The following GPC5 variants were observed in gnomAD, a reference collection of about 807,000 sequenced individuals.
GPC5 encodes glypican 5.
GPC5 carries 47 observed loss-of-function variants against 53.9 expected under a neutral mutation model. The ratio of observed to expected loss-of-function variants is 0.87; its 90% CI spans 0.69 to 1.11. GPC5 has a LOEUF of 1.11. GPC5 is among the 50% of genes most tolerant of loss of function. The pLI is 0.00. For synonymous variants in GPC5, 286 were observed against 263.3 expected (o/e 1.09, Z -0.84); for missense variants, 748 against 713.1 (o/e 1.05, Z -0.56).
chr13:92,583,211 G>A (rs1594322026), intron 7 of GPC5, among the ~76,000 whole-genome samples: 1 of 152,016 alleles, frequency 6.6e-6, no homozygotes, highest in South Asian at 2.1e-4. Flanking sequence ...GTTAAATTTT[G>A]TCAAACACAT....
chr13:91,891,099 T>C (rs1210261822), intron 5 of GPC5, among the ~76,000 whole-genome samples: 1 of 152,174 alleles, frequency 6.6e-6, no homozygotes, highest in East Asian at 1.9e-4. Flanking sequence ...GAAAGCTAGA[T>C]TGGAGGAATC....
At chr13:91,835,509 G>A (rs1446084802) in intron 5 of GPC5, among the ~76,000 whole-genome samples, 2 of 152,130 alleles carry the variant, frequency 1.3e-5, no homozygotes, top group African/African-American at 4.8e-5. Context: ...ATGATAGACT[G>A]GATAAAGAAA....
At chr13:92,642,235 A>T (rs534440493) in intron 7 of GPC5, among the ~76,000 whole-genome samples, 1 of 152,326 alleles carries the variant, frequency 6.6e-6, no homozygotes, top group Non-Finnish European at 1.5e-5. Context: ...AAGTAAAAAA[A>T]ACTAGTGAAA....
At chr13:91,591,182 A>G (rs1256544110) in intron 2 of GPC5, among the ~76,000 whole-genome samples, 2 of 152,194 alleles carry the variant, frequency 1.3e-5, no homozygotes, top group Non-Finnish European at 2.9e-5. Flanking sequence ...TCTAAGTAGA[A>G]AAATAGCTCC....
At chr13:91,903,791 A>T (rs1456493359) in intron 5 of GPC5, among the ~76,000 whole-genome samples, 6 of 152,088 alleles carry the variant, frequency 3.9e-5, no homozygotes, top group Non-Finnish European at 8.8e-5. Flanking sequence ...ATTTTACTGT[A>T]TTAGTAGCTG....
At chr13:92,642,422 C>T (rs1164199777) in intron 7 of GPC5, among the ~76,000 whole-genome samples, 3 of 152,170 alleles carry the variant, frequency 2.0e-5, no homozygotes, top group African/African-American at 4.8e-5. Context: ...TTAATCCTAC[C>T]GTACTCAGTG....
At chr13:92,493,106 CATGA>C (rs1879827804) in intron 7 of GPC5, among the ~76,000 whole-genome samples, 1 of 152,160 alleles carries the variant, frequency 6.6e-6, no homozygotes, top group African/African-American at 2.4e-5. Context: ...TCAACAGGTT[CATGA>C]CATTATTTTT....
chr13:91,976,839 A>C (rs940337289), intron 6 of GPC5, among the ~76,000 whole-genome samples: 1 of 152,124 alleles, frequency 6.6e-6, no homozygotes, highest in African/African-American at 2.4e-5. Context: ...CAGGAGTTTG[A>C]GATCAGCCTG....
chr13:92,183,244 G>A (rs2042160530), intron 7 of GPC5, among the ~76,000 whole-genome samples: 1 of 152,160 alleles, frequency 6.6e-6, no homozygotes, highest in African/African-American at 2.4e-5. Context: ...TAATAACCAA[G>A]AATGCCTGGC....
intron 7 of GPC5, among the ~76,000 whole-genome samples, chr13:92,431,284 A>G (rs886216427): frequency 1.3e-4 from 20 of 152,174 alleles, no homozygotes; most frequent in African/African-American, 4.8e-4. Flanking sequence ...AAGCACATAA[A>G]TATATACAAT....
At chr13:91,872,545 T>C (rs1318022981) in intron 5 of GPC5, among the ~76,000 whole-genome samples, 2 of 151,996 alleles carry the variant, frequency 1.3e-5, no homozygotes, top group African/African-American at 4.8e-5. Flanking sequence ...ATCAAGAAAA[T>C]TAAGGTGTTA....
chr13:91,627,383 G>T (rs1199553319), intron 2 of GPC5, among the ~76,000 whole-genome samples: 1 of 150,790 alleles, frequency 6.6e-6, no homozygotes, highest in Admixed American at 6.6e-5. Flanking sequence ...GTGAGAAATG[G>T]TATCACTTTT....
intron 5 of GPC5, among the ~76,000 whole-genome samples, chr13:91,896,463 T>C (rs1259502928): frequency 6.6e-6 from 1 of 152,152 alleles, no homozygotes; most frequent in Admixed American, 6.5e-5. Flanking sequence ...AAACCCCCTT[T>C]GTAAGCTTAG....
At position 92,167,947 on chromosome 13, in the gene GPC5, C is replaced by T. The variant is rs560226449; in HGVS notation, c.1561+22958C>T. On this transcript the variant is annotated intron_variant, in intron 7 of 7. Coordinates refer to ENST00000377067, the MANE Select transcript of GPC5 (RefSeq NM_004466.6). ...AGAAGTGACACATCGTTAGATCCAA[C>T]GAGGAGGTCCAAACCTTGGGTGATG... Among the ~76,000 whole-genome samples the T allele has an allele frequency of 2.0e-3, 301 of 152,026 alleles. 2 individuals carry two copies. The highest frequency in any genetic ancestry group is 2.9e-3 in the Non-Finnish European group (199 of 68,010).
intron 2 of GPC5, among the ~76,000 whole-genome samples, chr13:91,631,158 T>C (rs1029737047): frequency 2.0e-5 from 3 of 152,140 alleles, no homozygotes; most frequent in Admixed American, 1.3e-4. Context: ...ATAGCCAGAA[T>C]GGGTGACTTA....
At chr13:92,021,162 T>C (rs892806323) in intron 6 of GPC5, among the ~76,000 whole-genome samples, 3 of 152,310 alleles carry the variant, frequency 2.0e-5, no homozygotes, top group South Asian at 2.1e-4. Context: ...TTCAAAAGAA[T>C]TGAAATTAGG....
chr13:92,594,645 A>G (rs567245931), intron 7 of GPC5, among the ~76,000 whole-genome samples: 1 of 152,292 alleles, frequency 6.6e-6, no homozygotes, highest in African/African-American at 2.4e-5. Context: ...TCTGCAACCA[A>G]TGGTGAAACA....
At chr13:91,550,459 G>A (rs2030567849) in intron 2 of GPC5, among the ~76,000 whole-genome samples, 1 of 152,094 alleles carries the variant, frequency 6.6e-6, no homozygotes, top group Non-Finnish European at 1.5e-5. Context: ...ATGTGTGGGG[G>A]CAGGGAGTGC....
At chr13:92,658,614 G>T (rs12868140) in intron 7 of GPC5, among the ~76,000 whole-genome samples, 86,800 of 151,984 alleles carry the variant, frequency 0.57, 25,530 homozygotes, top group Admixed American at 0.65. Flanking sequence ...TGTTGTTGTT[G>T]TTTCTGTTGT....
Sources: gnomAD v4.1 joint callset for allele counts (sites outside exome capture counted in the v4.1 genomes callset) on GRCh38, gnomAD v4.1.1 for gene constraint, MANE v1.5 for transcripts, NCBI Gene and HGNC (gene_info 2026-07-23, HGNC 2026-07-21) for gene names.